CCNL2: variants seen among roughly 807,000 people sequenced by gnomAD.
CCNL2 encodes cyclin-L2.
A neutral mutation model predicts 59.1 loss-of-function variants in CCNL2; 28 were observed. The ratio of observed to expected loss-of-function variants is 0.47; its 90% CI spans 0.35 to 0.65. The LOEUF (loss-of-function observed/expected upper bound fraction) is 0.65, where lower values mean the gene tolerates loss of function less well. CCNL2 is among the 30% of genes least tolerant of loss of function. The pLI is 0.00. For synonymous variants in CCNL2, 342 were observed against 288.6 expected (o/e 1.19, Z -1.88); for missense variants, 714 against 717.4 (o/e 1.00, Z 0.05).
At chr1:1,388,107 T>C in intron 8 of CCNL2, 42 bp from the exon 9 acceptor site, 1 of 1,497,880 alleles carries the variant, frequency 6.7e-7, no homozygotes, top group Non-Finnish European at 9.3e-7. Context: ...CACAAAACAC[T>C]CTCCCAATAA....
intron 3 of CCNL2, among the ~76,000 whole-genome samples, chr1:1,395,828 T>G (rs903111980): frequency 6.6e-6 from 1 of 152,094 alleles, no homozygotes; most frequent in African/African-American, 2.4e-5. Context: ...TGACTCACGA[T>G]AGGAAGGTAC....
At chr1:1,388,579 C>T (rs544071415) in intron 8 of CCNL2, 5 of 428,550 alleles carry the variant, frequency 1.2e-5, no homozygotes, top group South Asian at 8.3e-5. Context: ...CTCTCTCTCT[C>T]TCTCTATATA....
intron 4 of CCNL2, among the ~76,000 whole-genome samples, chr1:1,394,483 C>T (rs768796962): frequency 1.3e-5 from 2 of 152,130 alleles, no homozygotes; most frequent in African/African-American, 2.4e-5. Flanking sequence ...GGTGCAGTGG[C>T]TCACACTTGT....
intron 5 of CCNL2, chr1:1,392,980 T>G (rs1386673738): frequency 1.6e-5 from 11 of 672,756 alleles, no homozygotes; most frequent in African/African-American, 3.6e-5. Context: ...AGGGTTCCTT[T>G]CTAGCACATG....
At chr1:1,390,143 G>T in intron 8 of CCNL2, 87 bp downstream of exon 8, 3 of 1,203,466 alleles carry the variant, frequency 2.5e-6, no homozygotes, top group Non-Finnish European at 2.3e-6. Flanking sequence ...ATGTCTGGAA[G>T]GAGCACATAC....
intron 5 of CCNL2, chr1:1,392,892 AT>A: frequency 7.3e-7 from 1 of 1,361,994 alleles, no homozygotes; most frequent in South Asian, 1.2e-5. Flanking sequence ...CAGCAAAAAT[AT>A]GACCCTTACA....
intron 5 of CCNL2, chr1:1,391,323 C>A: frequency 8.6e-7 from 1 of 1,158,270 alleles, no homozygotes; most frequent in South Asian, 1.8e-5. Context: ...AGCACAAAGC[C>A]GGTGTGGCTG....
rs185331718 is a variant in CCNL2, at chr1:1,397,011, T to G, written c.473+1222A>C. On this transcript the variant is annotated intron_variant, in intron 3 of 10. Transcript: ENST00000400809. ...ATCCACCCGCCTCGGCCTCCCAAAGTGCTGGGATTACAGGCGTGAGCCACT... is the reference window on the plus strand; with the variant it reads ...ATCCACCCGCCTCGGCCTCCCAAAGGGCTGGGATTACAGGCGTGAGCCACT... 4.8e-3 allele frequency among the ~76,000 whole-genome samples: 729 copies of G among 152,212 alleles called. 7 individuals are homozygous for G. The highest frequency in any genetic ancestry group is 0.016 in the African/African-American group (679 of 41,520).
At chr1:1,394,285 A>G (rs931177974) in intron 4 of CCNL2, among the ~76,000 whole-genome samples, 7 of 152,294 alleles carry the variant, frequency 4.6e-5, no homozygotes, top group East Asian at 3.9e-4. Flanking sequence ...CTTTGTTTCC[A>G]TGTGACACAG....
At chr1:1,397,880 T>C (rs2100358879) in intron 3 of CCNL2, among the ~76,000 whole-genome samples, 1 of 152,208 alleles carries the variant, frequency 6.6e-6, no homozygotes, top group Non-Finnish European at 1.5e-5. Flanking sequence ...AAAAAGATTA[T>C]CCAGCCTGAA....
In CCNL2 at chr1:1,386,270, C is replaced by G. The variant is rs1644452937; in HGVS notation, c.*961G>C. ...ATTCTGTGTTTCCAAAACTTCCCTC[C>G]TATGGCCCTGCAGGAAGGAGCCTGT... On this transcript the variant is annotated 3_prime_UTR_variant, in exon 11 of 11. Coordinates refer to ENST00000400809, the MANE Select transcript of CCNL2 (RefSeq NM_030937.6). 6.6e-6 allele frequency: 1 copy of G among 152,254 alleles called. No individual in the cohort carries two copies. The highest frequency in any genetic ancestry group is 2.4e-5 in the African/African-American group (1 of 41,462). 9.4% of individuals were successfully genotyped at this position (152,254 alleles called of 1,614,324 possible). A position where few individuals can be genotyped will look rare whatever the true frequency, so the allele number is the denominator to read the frequency against.
At chr1:1,392,300 A>C in intron 5 of CCNL2, 2 of 970,182 alleles carry the variant, frequency 2.1e-6, no homozygotes, top group Non-Finnish European at 2.5e-6. Flanking sequence ...ATATAAACTT[A>C]TTGCTGTATT....
intron 4 of CCNL2, among the ~76,000 whole-genome samples, chr1:1,394,274 G>T (rs922094740): frequency 3.3e-5 from 5 of 152,110 alleles, no homozygotes; most frequent in Non-Finnish European, 7.4e-5. Context: ...GAAAACAAGT[G>T]CTTTGTTTCC....
rs764819900 is a variant in CCNL2, at chr1:1,398,566, G to C, written c.363+31C>G. 3.1e-5 allele frequency: 50 copies of C among 1,603,904 alleles called. 1 individual carries two copies. In the Middle Eastern group the frequency reaches 5.0e-4, roughly 16 times the overall value. On this transcript the variant is annotated intron_variant, in intron 2 of 10. Transcript: ENST00000400809. ...AACCGTTTTACCCTCAACATACTTCGCTGGGAATGAAGTGCAGGAGGAAGC... is the reference window on the plus strand; with the variant it reads ...AACCGTTTTACCCTCAACATACTTCCCTGGGAATGAAGTGCAGGAGGAAGC...
At position 1,386,422 on chromosome 1, in the gene CCNL2, G is replaced by A. The variant is rs1365171119; in HGVS notation, c.*809C>T. ...CAAGGAGCCCGGAAGTGGGCGCACTGGCTGTGCACACGCCTGGACACTTTC... is the reference window on the plus strand; with the variant it reads ...CAAGGAGCCCGGAAGTGGGCGCACTAGCTGTGCACACGCCTGGACACTTTC... On this transcript the variant is annotated 3_prime_UTR_variant, in exon 11 of 11. Transcript: ENST00000400809. 1 of 152,542 alleles carries A rather than the reference G, an allele frequency of 6.6e-6. No homozygotes were observed. Among genetic ancestry groups the A allele is most frequent in the Non-Finnish European group, 1.5e-5 (1 of 68,066 alleles). 9.4% of individuals were successfully genotyped at this position (152,542 alleles called of 1,614,324 possible).
Position 1,387,204 on chromosome 1 carries a change from G to A in CCNL2, c.*27C>T, listed in dbSNP as rs750929165. The A allele has an allele frequency of 1.9e-6, 3 of 1,573,330 alleles. No individual in the cohort carries two copies. The Admixed American group carries it at 5.1e-5, about 27-fold the overall frequency. On this transcript the variant is annotated 3_prime_UTR_variant, in exon 11 of 11. Coordinates refer to ENST00000400809, the MANE Select transcript of CCNL2 (RefSeq NM_030937.6). ...TCAGGTACTCCCCAGGGAAGGGCTT[G>A]CGGCCACCAGTCACTGCAACCCCGC...
chr1:1,395,443 C>T lies in CCNL2; in HGVS notation c.545G>A (p.Arg182Gln), dbSNP rs778868322. Reference sequence around the variant, plus strand: ...GCAGAAACCCAACTCTTTGAGAACTCGTCTTTCCGCCTTTATAATTTGGTT... The same window carrying T: ...GCAGAAACCCAACTCTTTGAGAACTTGTCTTTCCGCCTTTATAATTTGGTT... ...LKNQIIKAERRVLKELGFCVH... is the reference protein window; with the variant it reads ...LKNQIIKAERQVLKELGFCVH... The change falls in exon 4 of 11, where the codon CGA becomes CAA. Residue 182 changes from arginine to glutamine, a missense_variant. By Grantham distance (43) the Arg-to-Gln change is conservative. Transcript: ENST00000400809. 31 of 1,614,144 alleles carry T rather than the reference C, an allele frequency of 1.9e-5. No homozygotes were observed. Among genetic ancestry groups the T allele is most frequent in the East Asian group, 4.5e-5 (2 of 44,878 alleles).
intron 4 of CCNL2, chr1:1,395,171 AC>A: frequency 2.1e-6 from 1 of 475,946 alleles, no homozygotes. Flanking sequence ...CTTAAATAAT[AC>A]CATTTCCAAA....
intron 5 of CCNL2, chr1:1,392,428 T>C: frequency 8.7e-7 from 1 of 1,149,752 alleles, no homozygotes; most frequent in Non-Finnish European, 1.1e-6. Flanking sequence ...CTAGAAATCA[T>C]GACATAACCC....
Sources: gnomAD v4.1 joint callset for allele counts (sites outside exome capture counted in the v4.1 genomes callset) on GRCh38, gnomAD v4.1.1 for gene constraint, MANE v1.5 for transcripts, NCBI Gene and HGNC (gene_info 2026-07-23, HGNC 2026-07-21) for gene names.